ANKS6: variants seen among roughly 807,000 people sequenced by gnomAD.
ANKS6 encodes ankyrin repeat and SAM domain-containing protein 6.
Under a neutral mutation model 77.9 loss-of-function variants are expected in ANKS6, and 47 were observed. The ratio of observed to expected loss-of-function variants is 0.60; its 90% CI spans 0.48 to 0.77. The LOEUF (loss-of-function observed/expected upper bound fraction) is 0.77. Ranked by LOEUF, ANKS6 falls within the 30% of genes least tolerant of loss-of-function variation. The pLI is 0.00. For synonymous variants in ANKS6, 488 were observed against 501.7 expected, an observed-to-expected ratio of 0.97 and a Z score of 0.37; for missense variants, 1,150 against 1,159.1, an observed-to-expected ratio of 0.99 and a Z score of 0.11.
chr9:98,733,609 A>G lies in ANKS6; in HGVS notation c.*2910T>C. On this transcript the variant is annotated 3_prime_UTR_variant, in exon 15 of 15. Transcript: ENST00000353234. ...TTCCAGAAAAAGCGGGGCTTCTCCAATGGTGTCCAAGGAATTCCAGTCTTG... is the reference window on the plus strand; with the variant it reads ...TTCCAGAAAAAGCGGGGCTTCTCCAGTGGTGTCCAAGGAATTCCAGTCTTG... 1.0e-6 allele frequency: 1 copy of G among 985,470 alleles called. No individual in the cohort carries two copies. Among genetic ancestry groups the G allele is most frequent in the Non-Finnish European group, 1.2e-6 (1 of 829,956 alleles). 61.0% of individuals were successfully genotyped at this position (985,470 alleles called of 1,614,324 possible). A position where few individuals can be genotyped will look rare whatever the true frequency, so the allele number is the denominator to read the frequency against.
At chr9:98,788,716 G>A (rs1023806636) in intron 2 of ANKS6, among the ~76,000 whole-genome samples, 4 of 152,186 alleles carry the variant, frequency 2.6e-5, no homozygotes, top group African/African-American at 9.7e-5. Flanking sequence ...AGAGTCATGT[G>A]TTAAACCAGC....
intron 14 of ANKS6, among the ~76,000 whole-genome samples, chr9:98,740,057 CA>C (rs1026896742): frequency 2.0e-5 from 3 of 152,036 alleles, no homozygotes; most frequent in Non-Finnish European, 4.4e-5. Flanking sequence ...TAAATATGGT[CA>C]AAATGTAAAG....
intron 9 of ANKS6, among the ~76,000 whole-genome samples, chr9:98,773,152 T>C (rs1490954986): frequency 6.6e-6 from 1 of 152,160 alleles, no homozygotes; most frequent in Non-Finnish European, 1.5e-5. Flanking sequence ...TTTGAGAGCA[T>C]CTCCAGGCGC....
At chr9:98,794,148 C>CAA (rs375021953) in intron 1 of ANKS6, among the ~76,000 whole-genome samples, 3,154 of 109,930 alleles carry the variant, frequency 0.029, 161 homozygotes, top group Middle Eastern at 0.039. Context: ...GACTCCGTCT[C>CAA]AAAAAAAAAA....
intron 11 of ANKS6, among the ~76,000 whole-genome samples, chr9:98,765,452 C>T (rs1833222400): frequency 6.6e-6 from 1 of 152,196 alleles, no homozygotes; most frequent in Admixed American, 6.5e-5. Flanking sequence ...GCTTTCAACC[C>T]ATGCCTTCAG....
At position 98,735,079 on chromosome 9, in the gene ANKS6, T is replaced by A; in HGVS notation, c.*1440A>T. 5.5e-5 allele frequency: 54 copies of A among 985,404 alleles called. No individual in the cohort carries two copies. The highest frequency in any genetic ancestry group is 6.5e-5 in the Non-Finnish European group (54 of 829,930). The allele number at this position is 985,404 out of a possible 1,614,324, so 61.0% of individuals were successfully genotyped here. On this transcript the variant is annotated 3_prime_UTR_variant, in exon 15 of 15. Coordinates refer to ENST00000353234, the MANE Select transcript of ANKS6 (RefSeq NM_173551.5). ...GGCACCTCCCAAGGAGACCAACTTG[T>A]GGCTCAGCATGGCTCAAGGTAGAGA...
chr9:98,783,826 T>A, intron 4 of ANKS6, 127 bp downstream of exon 4: 45 of 635,692 alleles, frequency 7.1e-5, no homozygotes, highest in East Asian at 1.2e-4. Context: ...TTTCCATGCC[T>A]CAATGTCGTC....
chr9:98,773,978 G>T lies in ANKS6; in HGVS notation c.1720C>A (p.Arg574=), dbSNP rs1451220911. The T allele has an allele frequency of 1.9e-6, 3 of 1,596,894 alleles. No individual in the cohort carries two copies. The highest frequency in any genetic ancestry group is 1.7e-6 in the Non-Finnish European group (2 of 1,173,048). The change falls in exon 9 of 15, where the codon CGG becomes AGG. Residue 574 remains arginine (R), a synonymous_variant. Transcript: ENST00000353234. ...PSSFELWSSD[R]SRTRHNGKAD... ...TTCCCGTTGTGACGCGTCCGGGACC[G>T]ATCAGAGCTCCACAGCTCAAAACTG...
intron 6 of ANKS6, 123 bp from the exon 7 acceptor site, chr9:98,778,547 CCAGA>C (rs2118086241): frequency 5.9e-6 from 5 of 847,208 alleles, no homozygotes; most frequent in East Asian, 2.7e-5. Context: ...CTCCTGGGGC[CCAGA>C]CAGACATTAC....
intron 4 of ANKS6, 148 bp downstream of exon 4, chr9:98,783,805 T>G: frequency 1.5e-4 from 6 of 41,144 alleles, no homozygotes; most frequent in African/African-American, 1.2e-3. Flanking sequence ...CTGTGCCGCT[T>G]TTTTTTTTTT....
chr9:98,790,833 T>C (rs1297842301), intron 1 of ANKS6, among the ~76,000 whole-genome samples: 8 of 152,232 alleles, frequency 5.3e-5, no homozygotes, highest in Non-Finnish European at 1.0e-4. Flanking sequence ...ACCAGCTGCA[T>C]GACCTTTAGG....
intron 13 of ANKS6, among the ~76,000 whole-genome samples, chr9:98,749,370 T>A (rs553439407): frequency 3.9e-5 from 6 of 152,130 alleles, no homozygotes; most frequent in Non-Finnish European, 8.8e-5. Context: ...GTGGGTGAGT[T>A]ACTAAAATTA....
intron 11 of ANKS6, among the ~76,000 whole-genome samples, chr9:98,764,283 G>T (rs959148704): frequency 6.6e-6 from 1 of 151,962 alleles, no homozygotes; most frequent in Non-Finnish European, 1.5e-5. Flanking sequence ...TTTCTCTTTG[G>T]CTTGTTTTCA....
At position 98,773,986 on chromosome 9, in the gene ANKS6, C is replaced by A; in HGVS notation, c.1712G>T (p.Ser571Ile). 6.3e-7 allele frequency: 1 copy of A among 1,593,214 alleles called. No individual in the cohort carries two copies. Among genetic ancestry groups the A allele is most frequent in the Admixed American group, 1.7e-5 (1 of 57,746 alleles). ...FLPPSSFELW[S>I]SDRSRTRHNG... is the part of the protein sequence containing the mutation. ...GTGACGCGTCCGGGACCGATCAGAG[C>A]TCCACAGCTCAAAACTGGAAGGGGG... The change falls in exon 9 of 15, where the codon AGC becomes ATC. Residue 571 changes from serine to isoleucine, a missense_variant. Coordinates refer to ENST00000353234, the MANE Select transcript of ANKS6 (RefSeq NM_173551.5).
chr9:98,777,735 T>C (rs1423360407), intron 7 of ANKS6, among the ~76,000 whole-genome samples: 1 of 152,110 alleles, frequency 6.6e-6, no homozygotes, highest in Non-Finnish European at 1.5e-5. Flanking sequence ...GCTAATCTGG[T>C]CATGGGGAAT....
At chr9:98,766,627 T>TG (rs1833307554) in intron 11 of ANKS6, among the ~76,000 whole-genome samples, 1 of 152,128 alleles carries the variant, frequency 6.6e-6, no homozygotes, top group African/African-American at 2.4e-5. Context: ...GATAAAAAAA[T>TG]GGAAAATAAG....
At chr9:98,737,702 C>G (rs1268541278) in intron 14 of ANKS6, among the ~76,000 whole-genome samples, 1 of 152,062 alleles carries the variant, frequency 6.6e-6, no homozygotes, top group South Asian at 2.1e-4. Context: ...AAAAATATCA[C>G]CATCATTCTC....
chr9:98,782,346 G>T, intron 5 of ANKS6, 121 bp downstream of exon 5: 1 of 888,512 alleles, frequency 1.1e-6, no homozygotes. Flanking sequence ...ACACTTGAGA[G>T]TGACTTTCCC....
chr9:98,765,120 T>C (rs1349902759), intron 11 of ANKS6, among the ~76,000 whole-genome samples: 1 of 152,164 alleles, frequency 6.6e-6, no homozygotes, highest in African/African-American at 2.4e-5. Context: ...ATAAATTCTC[T>C]CTTTTCTCTG....
Sources: allele counts gnomAD v4.1 joint callset (sites outside exome capture counted in the v4.1 genomes callset), GRCh38; gene constraint gnomAD v4.1.1; transcripts MANE v1.5; gene names NCBI Gene and HGNC (gene_info 2026-07-23, HGNC 2026-07-21).